Variants in FBXL7 observed in about 807,000 individuals in gnomAD.
FBXL7 encodes the protein F-box/LRR-repeat protein 7.
FBXL7 carries 12 observed loss-of-function variants against 38.3 expected under a neutral mutation model. The ratio of observed to expected loss-of-function variants is 0.31; its 90% CI spans 0.20 to 0.51. The LOEUF is 0.51. FBXL7 is among the 20% of genes least tolerant of loss of function. The pLI, the probability that FBXL7 is intolerant of heterozygous loss-of-function variation, is 0.98. For missense variants in FBXL7, 567 were observed against 676.4 expected (o/e 0.84, Z 1.79); for synonymous variants, 297 against 300.9 (o/e 0.99, Z 0.13).
chr5:15,516,069 A>C (rs2126364772), intron 1 of FBXL7, among the ~76,000 whole-genome samples: 1 of 152,302 alleles, frequency 6.6e-6, no homozygotes, highest in East Asian at 1.9e-4. Flanking sequence ...AATTAACTCA[A>C]AATTGTCTGT....
chr5:15,505,210 A>G (rs1736612200), intron 1 of FBXL7, among the ~76,000 whole-genome samples: 1 of 152,176 alleles, frequency 6.6e-6, no homozygotes, highest in East Asian at 1.9e-4. Flanking sequence ...GCATAATTCT[A>G]AGGACTTGCC....
chr5:15,569,270 C>T (rs918379725), intron 1 of FBXL7, among the ~76,000 whole-genome samples: 2 of 151,458 alleles, frequency 1.3e-5, no homozygotes, highest in Non-Finnish European at 2.9e-5. Flanking sequence ...TTTCCTTGAG[C>T]AGTGGTTTGT....
intron 2 of FBXL7, among the ~76,000 whole-genome samples, chr5:15,665,895 T>C (rs1167946137): frequency 6.6e-6 from 1 of 152,224 alleles, no homozygotes; most frequent in Non-Finnish European, 1.5e-5. Context: ...TTTTAAATGA[T>C]AGTTTTAGAA....
At chr5:15,581,252 C>T (rs367656006) in intron 1 of FBXL7, among the ~76,000 whole-genome samples, 3 of 152,234 alleles carry the variant, frequency 2.0e-5, no homozygotes, top group East Asian at 3.9e-4. Flanking sequence ...TTTATTATGT[C>T]ATTAAAAAAA....
intron 2 of FBXL7, among the ~76,000 whole-genome samples, chr5:15,873,690 C>T (rs753794363): frequency 6.6e-6 from 1 of 152,148 alleles, no homozygotes; most frequent in East Asian, 1.9e-4. Flanking sequence ...TTCCTGGACA[C>T]ATACGCCCTC....
intron 2 of FBXL7, among the ~76,000 whole-genome samples, chr5:15,778,032 T>A (rs1736902021): frequency 6.6e-6 from 1 of 152,070 alleles, no homozygotes; most frequent in Admixed American, 6.6e-5. Flanking sequence ...GTTACCTATA[T>A]TCAAAATTAG....
At chr5:15,642,270 A>G (rs35283404) in intron 2 of FBXL7, among the ~76,000 whole-genome samples, 23,544 of 152,078 alleles carry the variant, frequency 0.15, 1,981 homozygotes, top group Non-Finnish European at 0.19. Flanking sequence ...TATTTTTCCA[A>G]TGTTTTCTGT....
At chr5:15,653,969 T>G (rs544911212) in intron 2 of FBXL7, among the ~76,000 whole-genome samples, 96 of 152,314 alleles carry the variant, frequency 6.3e-4, no homozygotes, top group African/African-American at 2.2e-3. Flanking sequence ...CTGAAAACAT[T>G]AAAGACTTTG....
Position 15,939,217 on chromosome 5 carries a change from C to T in FBXL7, c.*2031C>T, listed in dbSNP as rs971823833. ...GGGGGAAATGAATCATTTAGCTAGG[C>T]CAGGATCTAGTGAAAGCCACAGAGT... is the stretch of plus-strand genomic sequence containing the variant. On this transcript the variant is annotated 3_prime_UTR_variant, in exon 4 of 4. Transcript: ENST00000504595. 4 of 395,930 alleles carry T rather than the reference C, an allele frequency of 1.0e-5. No individual in the cohort carries two copies. Among genetic ancestry groups the T allele is most frequent in the South Asian group, 1.4e-4 (1 of 7,004 alleles). The allele number at this position is 395,930 out of a possible 1,614,324, so 24.5% of individuals were successfully genotyped here. A position where few individuals can be genotyped will look rare whatever the true frequency, so the allele number is the denominator to read the frequency against.
At chr5:15,547,214 G>A (rs1197274189) in intron 1 of FBXL7, among the ~76,000 whole-genome samples, 1 of 152,214 alleles carries the variant, frequency 6.6e-6, no homozygotes, top group Non-Finnish European at 1.5e-5. Flanking sequence ...GCATACCTGT[G>A]CCTTCTTGTT....
intron 2 of FBXL7, among the ~76,000 whole-genome samples, chr5:15,917,660 A>G (rs1339243765): frequency 1.6e-5 from 1 of 63,748 alleles, no homozygotes; most frequent in African/African-American, 5.6e-5. Flanking sequence ...GAAGGAAGGA[A>G]GGAAGGAAGG....
intron 1 of FBXL7, among the ~76,000 whole-genome samples, chr5:15,532,174 T>C (rs1359300323): frequency 1.3e-5 from 2 of 152,256 alleles, no homozygotes; most frequent in Non-Finnish European, 2.9e-5. Flanking sequence ...ATTAACTGTG[T>C]AGTCATTTAC....
intron 2 of FBXL7, among the ~76,000 whole-genome samples, chr5:15,868,990 A>C (rs879486622): frequency 1.3e-4 from 20 of 152,168 alleles, no homozygotes; most frequent in Non-Finnish European, 2.1e-4. Context: ...TTTGTGGGCC[A>C]GGAATCCAGG....
intron 1 of FBXL7, among the ~76,000 whole-genome samples, chr5:15,540,638 AT>A: frequency 6.6e-6 from 1 of 152,308 alleles, no homozygotes; most frequent in East Asian, 1.9e-4. Flanking sequence ...GCTTATAGAC[AT>A]TTATTCTTTA....
At chr5:15,708,177 G>C (rs1490959656) in intron 2 of FBXL7, among the ~76,000 whole-genome samples, 2 of 152,128 alleles carry the variant, frequency 1.3e-5, no homozygotes, top group African/African-American at 4.8e-5. Context: ...TGGCTACCTT[G>C]ATTTTTATAC....
intron 2 of FBXL7, among the ~76,000 whole-genome samples, chr5:15,845,927 G>A (rs1479701663): frequency 2.0e-5 from 3 of 152,170 alleles, no homozygotes; most frequent in Non-Finnish European, 4.4e-5. Context: ...AGCCGAGATT[G>A]CACCACTGCA....
chr5:15,534,508 T>C (rs1262590796), intron 1 of FBXL7, among the ~76,000 whole-genome samples: 1 of 152,244 alleles, frequency 6.6e-6, no homozygotes, highest in East Asian at 1.9e-4. Flanking sequence ...CATTTCTTTT[T>C]AGATTTGAAT....
At chr5:15,676,504 T>TA (rs1283486320) in intron 2 of FBXL7, among the ~76,000 whole-genome samples, 1 of 152,264 alleles carries the variant, frequency 6.6e-6, no homozygotes, top group African/African-American at 2.4e-5. Flanking sequence ...TTTAAAATCT[T>TA]ACTCAAGCTT....
chr5:15,528,730 G>A (rs1344333329), intron 1 of FBXL7, among the ~76,000 whole-genome samples: 1 of 152,196 alleles, frequency 6.6e-6, no homozygotes, highest in African/African-American at 2.4e-5. Flanking sequence ...TTTGGGTGGA[G>A]ACACAGCCAA....
Sources: allele counts gnomAD v4.1 joint callset (sites outside exome capture counted in the v4.1 genomes callset), GRCh38; gene constraint gnomAD v4.1.1; transcripts MANE v1.5; gene names NCBI Gene and HGNC (gene_info 2026-07-23, HGNC 2026-07-21).